MORN5: variants seen among roughly 807,000 people sequenced by gnomAD.
MORN5 encodes MORN repeat-containing protein 5.
Under a neutral mutation model 22.1 loss-of-function variants are expected in MORN5, and 21 were observed. That is an observed-to-expected ratio of 0.95 (90% CI 0.67 to 1.37). The LOEUF is 1.37. Ranked by LOEUF, MORN5 falls within the 40% of genes most tolerant of loss-of-function variation. The pLI is 0.00. For synonymous variants in MORN5, 73 were observed against 74.0 expected, an observed-to-expected ratio of 0.99 and a Z score of 0.07; for missense variants, 211 against 215.1, an observed-to-expected ratio of 0.98 and a Z score of 0.12.
intron 1 of MORN5, among the ~76,000 whole-genome samples, chr9:122,164,040 A>G (rs997949380): frequency 6.6e-6 from 1 of 152,178 alleles, no homozygotes; most frequent in African/African-American, 2.4e-5. Flanking sequence ...ATGCGCCACC[A>G]TGCCCAGCTA....
chr9:122,184,225 A>T (rs570877506), intron 4 of MORN5, among the ~76,000 whole-genome samples: 46 of 152,118 alleles, frequency 3.0e-4, no homozygotes, highest in Non-Finnish European at 5.6e-4. Context: ...CCGAATTCAC[A>T]CTCAGGCTCG....
At chr9:122,169,351 A>G (rs1829333296) in intron 2 of MORN5, among the ~76,000 whole-genome samples, 1 of 152,124 alleles carries the variant, frequency 6.6e-6, no homozygotes, top group Admixed American at 6.5e-5. Context: ...AATCAACCCT[A>G]TTTTATGTAC....
At chr9:122,163,656 G>A (rs939534478) in intron 1 of MORN5, among the ~76,000 whole-genome samples, 1 of 152,186 alleles carries the variant, frequency 6.6e-6, no homozygotes, top group African/African-American at 2.4e-5. Flanking sequence ...AGTGGGTTGT[G>A]CCCAGAGGAG....
At chr9:122,173,670 C>T (rs1829399829) in intron 3 of MORN5, among the ~76,000 whole-genome samples, 1 of 152,156 alleles carries the variant, frequency 6.6e-6, no homozygotes, top group African/African-American at 2.4e-5. Flanking sequence ...TCAAGATACA[C>T]ATACCTAGCG....
intron 4 of MORN5, among the ~76,000 whole-genome samples, chr9:122,198,670 G>GT (rs377486111): frequency 9.8e-5 from 15 of 152,304 alleles, no homozygotes; most frequent in African/African-American, 3.1e-4. Flanking sequence ...CATTCTCCAC[G>GT]TATCTGTGAA....
chr9:122,168,291 A>G (rs547894315), intron 2 of MORN5, among the ~76,000 whole-genome samples: 24 of 152,302 alleles, frequency 1.6e-4, no homozygotes, highest in Admixed American at 4.6e-4. Flanking sequence ...ATTATAACTT[A>G]CCTAATCCAA....
At chr9:122,191,360 C>T (rs769691146) in intron 4 of MORN5, among the ~76,000 whole-genome samples, 7 of 152,204 alleles carry the variant, frequency 4.6e-5, no homozygotes, top group East Asian at 1.9e-4. Flanking sequence ...CTTCACTGAG[C>T]GTAACTCTGG....
chr9:122,170,000 T>A (rs1829342821), intron 3 of MORN5, among the ~76,000 whole-genome samples: 1 of 152,106 alleles, frequency 6.6e-6, no homozygotes, highest in African/African-American at 2.4e-5. Flanking sequence ...TTTCTCCCCT[T>A]CAAAATGGAG....
rs769909753 is a variant in MORN5 at position 122,166,901 on chromosome 9, G to A, written c.181G>A (p.Gly61Arg). The A allele has an allele frequency of 1.3e-5, 21 of 1,613,434 alleles. No individual in the cohort carries two copies. The highest frequency in any genetic ancestry group is 1.7e-5 in the Admixed American group (1 of 59,940). The part of the protein sequence containing the change: ...GSQYDAIWEN[G>R]LAIKGTYTFS... ...CCAATACGACGCCATTTGGGAAAAC[G>A]GATTGGCCATAAAGGTGATCAGCTG... Residue 61 changes from glycine to arginine, a missense_variant, in exon 2 of 5, where the codon GGA becomes AGA. Physicochemically the swap from Gly to Arg is moderately radical, Grantham distance 125. Coordinates refer to ENST00000373764, the MANE Select transcript of MORN5 (RefSeq NM_198469.4).
At chr9:122,175,783 C>A in intron 4 of MORN5, 1 of 841,744 alleles carries the variant, frequency 1.2e-6, no homozygotes, top group Non-Finnish European at 1.4e-6. Context: ...CTCAGTAAGT[C>A]AGTGATGACC....
intron 4 of MORN5, among the ~76,000 whole-genome samples, chr9:122,184,710 C>A (rs538203234): frequency 6.6e-6 from 1 of 152,222 alleles, no homozygotes; most frequent in Non-Finnish European, 1.5e-5. Context: ...TTAATCTCCA[C>A]AGTAACCCTG....
rs193157983 is a variant in MORN5 at position 122,179,237 on chromosome 9, C to T, written c.439+4610C>T. Reference sequence around the variant, plus strand: ...ATGAAAGGAGACAAAGGGCAAGAGACGAAGCCCGAGAGATGGGCGGGGTGA... The same window carrying T: ...ATGAAAGGAGACAAAGGGCAAGAGATGAAGCCCGAGAGATGGGCGGGGTGA... On this transcript the variant is annotated intron_variant, in intron 4 of 4. Coordinates refer to ENST00000373764, the MANE Select transcript of MORN5 (RefSeq NM_198469.4). Among the ~76,000 whole-genome samples, 32 of 152,246 alleles carry T rather than the reference C, an allele frequency of 2.1e-4. 1 individual carries two copies. In the Middle Eastern group the frequency reaches 0.017, roughly 81 times the overall value.
chr9:122,191,574 C>T (rs550014651), intron 4 of MORN5, among the ~76,000 whole-genome samples: 53 of 152,352 alleles, frequency 3.5e-4, no homozygotes, highest in African/African-American at 1.0e-3. Context: ...CCAAGGCAGA[C>T]GCTTTGTTTC....
intron 1 of MORN5, among the ~76,000 whole-genome samples, chr9:122,161,631 T>C (rs1450532033): frequency 6.6e-6 from 1 of 152,234 alleles, no homozygotes; most frequent in African/African-American, 2.4e-5. Flanking sequence ...AAGGCTCTGC[T>C]ACAGTGAAGG....
Position 122,166,930 on chromosome 9 carries a change from G to A in MORN5, c.195+15G>A, listed in dbSNP as rs1829294197. 2 of 1,610,676 alleles carry A rather than the reference G, an allele frequency of 1.2e-6. No individual in the cohort carries two copies. Among genetic ancestry groups the A allele is most frequent in the East Asian group, 2.2e-5 (1 of 44,780 alleles). ...TGGCCATAAAGGTGATCAGCTGGGGGGACGGATGCTGTGGAGGAGAGATCC... is the reference window on the plus strand; with the variant it reads ...TGGCCATAAAGGTGATCAGCTGGGGAGACGGATGCTGTGGAGGAGAGATCC... On this transcript the variant is annotated intron_variant, in intron 2 of 4. Transcript: ENST00000373764.
At chr9:122,179,544 C>T (rs935403168) in intron 4 of MORN5, among the ~76,000 whole-genome samples, 53 of 152,098 alleles carry the variant, frequency 3.5e-4, no homozygotes, top group African/African-American at 1.3e-3. Flanking sequence ...GGGCCAATGC[C>T]TTCCCTCTCT....
chr9:122,165,228 T>C (rs1430161424), intron 1 of MORN5, among the ~76,000 whole-genome samples: 1 of 151,972 alleles, frequency 6.6e-6, no homozygotes, highest in Admixed American at 6.6e-5. Flanking sequence ...AAAATCGTTA[T>C]ATGTTACCTG....
Position 122,166,843 on chromosome 9 carries a change from C to T in MORN5, c.123C>T (p.His41=), listed in dbSNP as rs762785620. The change falls in exon 2 of 5, where the codon CAC becomes CAT. Residue 41 remains histidine, a synonymous_variant. Coordinates refer to ENST00000373764, the MANE Select transcript of MORN5 (RefSeq NM_198469.4). The stretch of plus-strand genomic sequence containing the variant: ...GGGAAATGAAGGATGGCATGTTTCA[C>T]GGCGAGGGAACCCTGTACTTCCCCA... ...YVGEMKDGMF[H]GEGTLYFPSG... is the part of the protein sequence containing the mutation. 2.0e-5 allele frequency: 33 copies of T among 1,613,756 alleles called. No individual in the cohort carries two copies. Among genetic ancestry groups the T allele is most frequent in the South Asian group, 9.9e-5 (9 of 91,052 alleles).
At chr9:122,190,305 A>G (rs760902883) in intron 4 of MORN5, among the ~76,000 whole-genome samples, 4 of 152,254 alleles carry the variant, frequency 2.6e-5, no homozygotes, top group Non-Finnish European at 5.9e-5. Context: ...TGAAATATAA[A>G]TCCCACATTA....
Sources: allele counts gnomAD v4.1 joint callset (sites outside exome capture counted in the v4.1 genomes callset), GRCh38; gene constraint gnomAD v4.1.1; transcripts MANE v1.5; gene names NCBI Gene and HGNC (gene_info 2026-07-23, HGNC 2026-07-21).